The following LYZL4 variants were observed in gnomAD, a reference collection of about 807,000 sequenced individuals.
The protein encoded by LYZL4 is lysozyme like 4, also known as lysozyme-like protein 4.
Under a neutral mutation model 17.6 loss-of-function variants are expected in LYZL4, and 13 were observed. The observed-to-expected ratio is 0.74, with a 90% confidence interval of 0.48 to 1.18. LYZL4 has a LOEUF of 1.18. LYZL4 is among the 50% of genes most tolerant of loss of function. The probability of loss-of-function intolerance (pLI) is 0.00; values close to 1 mark genes in which losing one functional copy is unlikely to be tolerated. For missense variants in LYZL4, 174 were observed against 188.2 expected (o/e 0.92, Z 0.44); for synonymous variants, 64 against 67.7 (o/e 0.95, Z 0.27).
chr3:42,400,062 A>T (rs1207391602), intron 4 of LYZL4, among the ~76,000 whole-genome samples: 3 of 152,142 alleles, frequency 2.0e-5, no homozygotes, highest in African/African-American at 7.2e-5. Context: ...GCAACAACAA[A>T]AAGGCTCAGC....
At chr3:42,408,074 C>A (rs1698792595) in intron 1 of LYZL4, among the ~76,000 whole-genome samples, 1 of 152,182 alleles carries the variant, frequency 6.6e-6, no homozygotes, top group South Asian at 2.1e-4. Context: ...TCTAAACCCA[C>A]CACCTCCTCA....
chr3:42,404,865 A>T (rs760121805), intron 3 of LYZL4, among the ~76,000 whole-genome samples: 5 of 152,224 alleles, frequency 3.3e-5, no homozygotes, highest in African/African-American at 1.2e-4. Flanking sequence ...TAATTAATTT[A>T]AAAATGTTAT....
chr3:42,404,079 G>T lies in LYZL4; in HGVS notation c.338C>A (p.Thr113Asn). 6.2e-7 allele frequency: 1 copy of T among 1,612,890 alleles called. No homozygotes were observed. The highest frequency in any genetic ancestry group is 8.5e-7 in the Non-Finnish European group (1 of 1,178,976). ...NLEKTIKCAK[T>N]IVKGKEGMGA... ...CATCCCTTCTTTTCCTTTTACAATG[G>T]TCTTGGCACATTTAATTGTCTTCTC... The change falls in exon 4 of 5, where the codon ACC becomes AAC. Residue 113 changes from threonine (T) to asparagine (N), a missense_variant. Coordinates refer to ENST00000287748, the MANE Select transcript of LYZL4 (RefSeq NM_144634.4).
chr3:42,389,137 C>T, the LYZL4 span, among the ~76,000 whole-genome samples: 1 of 152,162 alleles, frequency 6.6e-6, no homozygotes, highest in South Asian at 2.1e-4. Flanking sequence ...CCAGGACCCT[C>T]GGAGGTGCTC....
intron 1 of LYZL4, among the ~76,000 whole-genome samples, chr3:42,407,773 T>A (rs1015235342): frequency 1.3e-5 from 2 of 151,970 alleles, no homozygotes; most frequent in Non-Finnish European, 2.9e-5. Flanking sequence ...ATTATGTCCA[T>A]TACTGCCTCT....
chr3:42,401,197 A>G (rs1314173088), intron 4 of LYZL4, among the ~76,000 whole-genome samples: 2 of 152,148 alleles, frequency 1.3e-5, no homozygotes, highest in East Asian at 1.9e-4. Flanking sequence ...AGGGGGCATC[A>G]TAATAAAATT....
chr3:42,400,596 C>T (rs1252362421), intron 4 of LYZL4, among the ~76,000 whole-genome samples: 1 of 152,140 alleles, frequency 6.6e-6, no homozygotes, highest in African/African-American at 2.4e-5. Context: ...TAAGATTCAT[C>T]AATGATTTAA....
At chr3:42,381,339 A>G in the LYZL4 span, among the ~76,000 whole-genome samples, 1 of 152,218 alleles carries the variant, frequency 6.6e-6, no homozygotes, top group African/African-American at 2.4e-5. Context: ...ATTTCAATCT[A>G]TATCAATTCA....
At chr3:42,386,356 G>A in the LYZL4 span, among the ~76,000 whole-genome samples, 7 of 143,332 alleles carry the variant, frequency 4.9e-5, no homozygotes, top group Non-Finnish European at 1.1e-4. Flanking sequence ...GCCCGCCTCA[G>A]CCTCCCAGAG....
chr3:42,397,955 A>G (rs1698584154), intron 4 of LYZL4, among the ~76,000 whole-genome samples: 1 of 152,100 alleles, frequency 6.6e-6, no homozygotes, highest in South Asian at 2.1e-4. Context: ...CCCTACCTGC[A>G]GGGTGGGGAG....
chr3:42,394,689 C>T (rs1310237522), downstream of LYZL4, among the ~76,000 whole-genome samples: 1 of 152,138 alleles, frequency 6.6e-6, no homozygotes, highest in Admixed American at 6.5e-5. Context: ...CTGGAACACC[C>T]ATTATCAGTG....
the LYZL4 span, among the ~76,000 whole-genome samples, chr3:42,364,765 C>G: frequency 1.3e-5 from 2 of 152,182 alleles, no homozygotes; most frequent in East Asian, 1.9e-4. Context: ...TGAGCCACCA[C>G]GCCCAGCCTC....
the LYZL4 span, among the ~76,000 whole-genome samples, chr3:42,372,334 G>T: frequency 2.6e-5 from 4 of 152,234 alleles, no homozygotes; most frequent in African/African-American, 7.2e-5. Context: ...AAGAGTTGAT[G>T]TGAGATGAAT....
At chr3:42,381,426 T>C in the LYZL4 span, among the ~76,000 whole-genome samples, 3 of 152,170 alleles carry the variant, frequency 2.0e-5, no homozygotes, top group African/African-American at 7.2e-5. Flanking sequence ...TTAAAAATAA[T>C]GAAGAAGGGA....
chr3:42,396,207 C>A (rs936587879), downstream of LYZL4, among the ~76,000 whole-genome samples: 1 of 152,222 alleles, frequency 6.6e-6, no homozygotes, highest in East Asian at 1.9e-4. Context: ...ATGTGACTGA[C>A]AGGCTTTCTC....
At chr3:42,407,488 C>A (rs921067256) in intron 1 of LYZL4, 145 bp from the exon 2 acceptor site, 7 of 552,670 alleles carry the variant, frequency 1.3e-5, no homozygotes, top group Non-Finnish European at 2.2e-5. Flanking sequence ...CCCTTCTCCT[C>A]CTCTTGACCT....
At chr3:42,402,136 T>TAAAA (rs61260579) in intron 4 of LYZL4, among the ~76,000 whole-genome samples, 2,919 of 123,932 alleles carry the variant, frequency 0.024, 108 homozygotes, top group African/African-American at 0.086. Flanking sequence ...TTGAGAAGGT[T>TAAAA]AAAAAAAAAA....
At chr3:42,388,036 G>A in the LYZL4 span, among the ~76,000 whole-genome samples, 16 of 152,170 alleles carry the variant, frequency 1.1e-4, no homozygotes, top group Non-Finnish European at 1.0e-4. Context: ...GTGAGCAGGA[G>A]AGCGATTCTC....
chr3:42,381,262 C>T, the LYZL4 span, among the ~76,000 whole-genome samples: 6,303 of 152,064 alleles, frequency 0.041, 427 homozygotes, highest in African/African-American at 0.14. Context: ...ATTCCTTGAC[C>T]CCCTTCATTT....
Sources: gnomAD v4.1 joint callset for allele counts (sites outside exome capture counted in the v4.1 genomes callset) on GRCh38, gnomAD v4.1.1 for gene constraint, MANE v1.5 for transcripts, NCBI Gene and HGNC (gene_info 2026-07-23, HGNC 2026-07-21) for gene names.